Variants in PTPRG observed in about 807,000 individuals in gnomAD.
PTPRG encodes protein tyrosine phosphatase receptor type G.
A neutral mutation model predicts 165.3 loss-of-function variants in PTPRG; 102 were observed. The observed-to-expected ratio is 0.62, with a 90% CI of 0.53 to 0.73. The LOEUF (loss-of-function observed/expected upper bound fraction) is 0.73, where lower values mean the gene tolerates loss of function less well. Among genes scored for constraint, PTPRG ranks in the 30% least tolerant of loss-of-function variants. The probability of loss-of-function intolerance (pLI) is 0.00; values close to 1 mark genes in which losing one functional copy is unlikely to be tolerated. For synonymous variants in PTPRG, 675 were observed against 669.5 expected, an observed-to-expected ratio of 1.01 and a Z score of -0.13; for missense variants, 1,866 against 1,861.4, an observed-to-expected ratio of 1.00 and a Z score of -0.05.
chr3:62,086,803 T>G (rs1379946046), intron 5 of PTPRG, among the ~76,000 whole-genome samples: 3 of 152,240 alleles, frequency 2.0e-5, no homozygotes, highest in Non-Finnish European at 4.4e-5. Context: ...TAATGTTCAA[T>G]TGCAGTTTTG....
Position 62,271,636 on chromosome 3 carries a change from C to A in PTPRG, c.3182+81C>A. On this transcript the variant is annotated intron_variant, in intron 21 of 29. Coordinates refer to ENST00000474889, the MANE Select transcript of PTPRG (RefSeq NM_002841.4). The surrounding 1 kb of genome is among the most constrained non-coding windows in gnomAD (Gnocchi z 4.1). ...TGACCTTGGACCACAATGATTGCTACTGCTTTCACTTAGAAGCTGAATCTT... is the reference window on the plus strand; with the variant it reads ...TGACCTTGGACCACAATGATTGCTAATGCTTTCACTTAGAAGCTGAATCTT... 7.7e-7 allele frequency: 1 copy of A among 1,295,112 alleles called. No homozygotes were observed. The highest frequency in any genetic ancestry group is 1.1e-6 in the Non-Finnish European group (1 of 942,296). The allele number at this position is 1,295,112 out of a possible 1,614,324, so 80.2% of individuals were successfully genotyped here. A position where few individuals can be genotyped will look rare whatever the true frequency, so the allele number is the denominator to read the frequency against.
At chr3:61,722,464 T>C (rs540185098) in intron 1 of PTPRG, among the ~76,000 whole-genome samples, 1 of 152,172 alleles carries the variant, frequency 6.6e-6, no homozygotes, top group Non-Finnish European at 1.5e-5. Context: ...GGACACTAAA[T>C]TGATTTTGAT....
intron 2 of PTPRG, among the ~76,000 whole-genome samples, chr3:61,909,482 C>A (rs992046960): frequency 1.3e-5 from 2 of 152,122 alleles, no homozygotes; most frequent in Non-Finnish European, 2.9e-5. Context: ...CCCAGTTAGC[C>A]AGGACCACAG....
Position 62,233,278 on chromosome 3 carries a change from G to A in PTPRG, c.2375+1967G>A, listed in dbSNP as rs900913181. Among the ~76,000 whole-genome samples the A allele has an allele frequency of 6.6e-6, 1 of 152,128 alleles. No individual in the cohort carries two copies. Among genetic ancestry groups the A allele is most frequent in the African/African-American group, 2.4e-5 (1 of 41,434 alleles). ...GATACAGATCCTGTCCTCAAGGGGC[G>A]CCATGTCTGTGCTTCTTACGCTAGC... is the stretch of plus-strand genomic sequence containing the variant. On this transcript the variant is annotated intron_variant, in intron 14 of 29. Transcript: ENST00000474889. This position sits in a 1 kb window ranked among gnomAD's most constrained non-coding sequence, Gnocchi z 4.7.
At chr3:61,847,612 G>T (rs2036842824) in intron 2 of PTPRG, among the ~76,000 whole-genome samples, 1 of 152,132 alleles carries the variant, frequency 6.6e-6, no homozygotes. Flanking sequence ...AATTCTAATA[G>T]ACCTCCCTCC....
intron 4 of PTPRG, among the ~76,000 whole-genome samples, chr3:62,072,082 A>T (rs1205716600): frequency 6.6e-6 from 1 of 152,182 alleles, no homozygotes; most frequent in East Asian, 1.9e-4. Flanking sequence ...AATTATTTTA[A>T]ATGTAAGGGA....
At chr3:61,611,231 G>A (rs988888736) in intron 1 of PTPRG, among the ~76,000 whole-genome samples, 6 of 152,192 alleles carry the variant, frequency 3.9e-5, no homozygotes, top group African/African-American at 9.7e-5. Flanking sequence ...ATCATATACC[G>A]CTGTGACTTT....
At chr3:61,963,347 C>T (rs1369411568) in intron 2 of PTPRG, among the ~76,000 whole-genome samples, 1 of 152,004 alleles carries the variant, frequency 6.6e-6, no homozygotes, top group Non-Finnish European at 1.5e-5. Flanking sequence ...TTACCAGATA[C>T]CTGGATTTGT....
intron 1 of PTPRG, among the ~76,000 whole-genome samples, chr3:61,578,063 C>T (rs981258643): frequency 1.6e-4 from 24 of 152,140 alleles, no homozygotes; most frequent in African/African-American, 5.6e-4. Flanking sequence ...AAATAAAAGC[C>T]GTTGTTATTA....
At chr3:61,753,508 A>G in intron 2 of PTPRG, 1 of 406,748 alleles carries the variant, frequency 2.5e-6, no homozygotes, top group Admixed American at 2.9e-5. Flanking sequence ...AACACATGCT[A>G]GGCAGGTCAT....
chr3:62,179,682 T>C (rs1046662422), intron 8 of PTPRG, among the ~76,000 whole-genome samples: 3 of 152,228 alleles, frequency 2.0e-5, no homozygotes, highest in African/African-American at 7.2e-5. Context: ...GGGCCCACTC[T>C]CGGGCAGTGC....
At chr3:62,038,719 A>G (rs993293450) in intron 4 of PTPRG, among the ~76,000 whole-genome samples, 1 of 152,144 alleles carries the variant, frequency 6.6e-6, no homozygotes, top group East Asian at 1.9e-4. Context: ...TAATGACCGC[A>G]GTTGTTACAG....
At chr3:62,100,570 G>A (rs1225861867) in intron 5 of PTPRG, among the ~76,000 whole-genome samples, 1 of 151,992 alleles carries the variant, frequency 6.6e-6, no homozygotes, top group Non-Finnish European at 1.5e-5. Flanking sequence ...TTGCCTGGAT[G>A]TTTTTCTGCT....
At position 62,273,820 on chromosome 3, in the gene PTPRG, G is replaced by A. The variant is rs550927520; in HGVS notation, c.3441G>A (p.Lys1147=). ...NSILIPGVGG[K]TRLEKQFKLV... ...TCCTTATACCAGGAGTAGGAGGAAA[G>A]ACACGACTGGAAAAGCAATTCAAGG... The change falls in exon 23 of 30, where the codon AAG becomes AAA. Residue 1147 remains lysine, a synonymous_variant. Transcript: ENST00000474889. This position sits in a 1 kb window ranked among gnomAD's most constrained non-coding sequence, Gnocchi z 4.1. 6.2e-7 allele frequency: 1 copy of A among 1,613,776 alleles called. No individual in the cohort carries two copies. Among genetic ancestry groups the A allele is most frequent in the South Asian group, 1.1e-5 (1 of 91,058 alleles).
chr3:61,951,648 A>G (rs759598172), intron 2 of PTPRG, among the ~76,000 whole-genome samples: 6 of 151,998 alleles, frequency 3.9e-5, no homozygotes, highest in Non-Finnish European at 7.4e-5. Flanking sequence ...TGGTTCTGAG[A>G]TAGTCTACAC....
intron 1 of PTPRG, among the ~76,000 whole-genome samples, chr3:61,626,102 A>G (rs768688408): frequency 1.3e-5 from 2 of 152,102 alleles, no homozygotes; most frequent in African/African-American, 2.4e-5. Flanking sequence ...CATAATTGAA[A>G]TACAGCTGAA....
At chr3:62,091,946 T>C (rs902979959) in intron 5 of PTPRG, among the ~76,000 whole-genome samples, 1 of 152,054 alleles carries the variant, frequency 6.6e-6, no homozygotes. Flanking sequence ...TCTTTGTTCA[T>C]TTCCTTTGCA....
rs1409423007 is a variant in PTPRG, at chr3:62,233,175, C to T, written c.2375+1864C>T. On this transcript the variant is annotated intron_variant, in intron 14 of 29. Coordinates refer to ENST00000474889, the MANE Select transcript of PTPRG (RefSeq NM_002841.4). The surrounding 1 kb of genome is among the most constrained non-coding windows in gnomAD (Gnocchi z 4.7). ...TGGTTGCCTTGGGACTCCACTGCAG[C>T]GGCGTGAATCCTGAGCAGTACCCCC... is the stretch of plus-strand genomic sequence containing the variant. 6.6e-6 allele frequency among the ~76,000 whole-genome samples: 1 copy of T among 152,160 alleles called. No homozygotes were observed. The highest frequency in any genetic ancestry group is 2.1e-4 in the South Asian group (1 of 4,824).
intron 2 of PTPRG, among the ~76,000 whole-genome samples, chr3:61,779,555 G>A (rs972458606): frequency 6.6e-6 from 1 of 152,122 alleles, no homozygotes; most frequent in Non-Finnish European, 1.5e-5. Flanking sequence ...ATGGAGGGAT[G>A]TAGGTTATGT....
Sources: gnomAD v4.1 joint callset for allele counts (sites outside exome capture counted in the v4.1 genomes callset) on GRCh38, gnomAD v4.1.1 for gene constraint, Gnocchi (gnomAD v3.1) non-coding constraint, MANE v1.5 for transcripts, NCBI Gene and HGNC (gene_info 2026-07-23, HGNC 2026-07-21) for gene names.